The following CAB39L variants were observed in gnomAD, a reference collection of about 807,000 sequenced individuals.
CAB39L encodes calcium-binding protein 39-like.
CAB39L carries 23 observed loss-of-function variants against 39.1 expected under a neutral mutation model. The ratio of observed to expected loss-of-function variants is 0.59; its 90% CI spans 0.42 to 0.83. CAB39L has a LOEUF of 0.83. CAB39L is among the 40% of genes least tolerant of loss of function. CAB39L has a pLI of 0.00. For missense variants in CAB39L, 366 were observed against 391.9 expected (o/e 0.93, Z 0.56); for synonymous variants, 126 against 137.2 (o/e 0.92, Z 0.57).
intron 3 of CAB39L, among the ~76,000 whole-genome samples, chr13:49,396,706 T>C (rs759481126): frequency 2.6e-5 from 4 of 151,544 alleles, no homozygotes; most frequent in Non-Finnish European, 5.9e-5. Context: ...AGATTCCATC[T>C]CAAAAAAACA....
At chr13:49,338,882 C>T (rs1236309182) in intron 9 of CAB39L, among the ~76,000 whole-genome samples, 1 of 151,996 alleles carries the variant, frequency 6.6e-6, no homozygotes, top group African/African-American at 2.4e-5. Context: ...CACTGACTGT[C>T]GTGAATGCTC....
intron 7 of CAB39L, among the ~76,000 whole-genome samples, chr13:49,344,826 A>C (rs1203486511): frequency 6.6e-6 from 1 of 152,140 alleles, no homozygotes; most frequent in East Asian, 1.9e-4. Flanking sequence ...GGATACTGGA[A>C]GCGTAGGACT....
intron 3 of CAB39L, among the ~76,000 whole-genome samples, chr13:49,409,107 C>T (rs1956939114): frequency 6.6e-6 from 1 of 152,136 alleles, no homozygotes; most frequent in African/African-American, 2.4e-5. Context: ...AAGACATAGG[C>T]TGGTAGTCAG....
intron 10 of CAB39L, among the ~76,000 whole-genome samples, chr13:49,319,372 A>G (rs1779110689): frequency 6.6e-6 from 1 of 152,222 alleles, no homozygotes; most frequent in African/African-American, 2.4e-5. Flanking sequence ...TTCTATTTAT[A>G]TAAAATATCT....
chr13:49,376,504 C>A (rs1359068779), intron 5 of CAB39L, among the ~76,000 whole-genome samples: 1 of 152,148 alleles, frequency 6.6e-6, no homozygotes, highest in East Asian at 1.9e-4. Flanking sequence ...TTTCTTAAAT[C>A]ATTGGTATAA....
intron 3 of CAB39L, among the ~76,000 whole-genome samples, chr13:49,385,827 A>G (rs1956345326): frequency 6.6e-6 from 1 of 152,206 alleles, no homozygotes; most frequent in South Asian, 2.1e-4. Context: ...ACAATAGTTA[A>G]CATCAGAGAT....
chr13:49,335,081 G>C (rs1376714529), intron 9 of CAB39L, among the ~76,000 whole-genome samples: 1 of 152,098 alleles, frequency 6.6e-6, no homozygotes, highest in Non-Finnish European at 1.5e-5. Context: ...AGGGCTTCCA[G>C]ACCCTCCAAA....
chr13:49,426,031 T>C (rs1195919341), intron 3 of CAB39L, among the ~76,000 whole-genome samples: 2 of 152,196 alleles, frequency 1.3e-5, no homozygotes, highest in Non-Finnish European at 2.9e-5. Flanking sequence ...TTAAAATACA[T>C]TCCTCTTAAA....
chr13:49,312,335 C>G (rs967403707), intron 10 of CAB39L, among the ~76,000 whole-genome samples: 11 of 152,338 alleles, frequency 7.2e-5, no homozygotes, highest in Admixed American at 6.5e-4. Context: ...ATCCCTGACT[C>G]CCCCAGAGCA....
Position 49,378,425 on chromosome 13 carries a change from C to T in CAB39L, c.112-1294G>A, listed in dbSNP as rs1406583289. 1.0e-4 allele frequency among the ~76,000 whole-genome samples: 7 copies of T among 67,256 alleles called. 3 individuals carry two copies. The highest frequency in any genetic ancestry group is 2.1e-4 in the Non-Finnish European group (7 of 33,674). The allele number at this position is 67,256 out of a possible 152,430, so 44.1% of individuals were successfully genotyped here. A position where few individuals can be genotyped will look rare whatever the true frequency, so the allele number is the denominator to read the frequency against. On this transcript the variant is annotated intron_variant, in intron 4 of 10. Transcript: ENST00000409308. The stretch of plus-strand genomic sequence containing the variant: ...GGGAGGGAGGTGGGGGGGTCAGCCC[C>T]CCGCCCGGCCAGCCGCCCCGTCGGG...
chr13:49,406,525 G>A (rs1956883938), intron 3 of CAB39L, among the ~76,000 whole-genome samples: 2 of 151,232 alleles, frequency 1.3e-5, no homozygotes, highest in Admixed American at 6.6e-5. Context: ...TGAGATGATT[G>A]GATACCCTAT....
intron 4 of CAB39L, among the ~76,000 whole-genome samples, chr13:49,380,403 A>C (rs1480982865): frequency 1.8e-5 from 2 of 110,994 alleles, no homozygotes; most frequent in African/African-American, 4.4e-5. Flanking sequence ...CTTTTTTGCT[A>C]TCTATGAAAC....
At chr13:49,442,189 T>C (rs376655954) in intron 1 of CAB39L, among the ~76,000 whole-genome samples, 1 of 152,212 alleles carries the variant, frequency 6.6e-6, no homozygotes, top group Admixed American at 6.5e-5. Flanking sequence ...CACTTTCCTA[T>C]GTCATTCAAC....
intron 8 of CAB39L, among the ~76,000 whole-genome samples, chr13:49,342,216 G>T (rs2138431437): frequency 6.6e-6 from 1 of 152,166 alleles, no homozygotes. Context: ...ATATTTGTTT[G>T]CTACCACTGG....
chr13:49,337,486 C>G (rs1465936408), intron 9 of CAB39L, among the ~76,000 whole-genome samples: 1 of 152,166 alleles, frequency 6.6e-6, no homozygotes, highest in Non-Finnish European at 1.5e-5. Flanking sequence ...CTTCCAGGCA[C>G]CATTCCACTG....
At chr13:49,377,834 C>T (rs1357010898) in intron 4 of CAB39L, among the ~76,000 whole-genome samples, 40 of 92,818 alleles carry the variant, frequency 4.3e-4, no homozygotes, top group African/African-American at 7.8e-4. Context: ...ATGTGAGGAG[C>T]CCCTCTGCCT....
intron 5 of CAB39L, among the ~76,000 whole-genome samples, chr13:49,362,749 G>C (rs1035406157): frequency 1.3e-5 from 2 of 151,838 alleles, no homozygotes; most frequent in African/African-American, 4.8e-5. Flanking sequence ...GTATAAGAAG[G>C]TTATAGAACA....
Position 49,350,927 on chromosome 13 carries a change from A to G in CAB39L, c.396-15T>C. 1 of 1,545,720 alleles carries G rather than the reference A, an allele frequency of 6.5e-7. No homozygotes were observed. Among genetic ancestry groups the G allele is most frequent in the Non-Finnish European group, 8.7e-7 (1 of 1,145,448 alleles). ...GGGCTTCATATCTAAAGCGTAAACA[A>G]GAGAGAAATAGAGAACTCTGTTATC... On this transcript the variant is annotated splice_polypyrimidine_tract_variant and intron_variant, in intron 6 of 10. Coordinates refer to ENST00000409308, the MANE Select transcript of CAB39L (RefSeq NM_001079670.3).
At chr13:49,334,819 T>C (rs1180018548) in intron 9 of CAB39L, among the ~76,000 whole-genome samples, 2 of 152,172 alleles carry the variant, frequency 1.3e-5, no homozygotes. Context: ...ATCCATTACA[T>C]ATATATATCC....
Sources: allele counts gnomAD v4.1 joint callset (sites outside exome capture counted in the v4.1 genomes callset), GRCh38; gene constraint gnomAD v4.1.1; transcripts MANE v1.5; gene names NCBI Gene and HGNC (gene_info 2026-07-23, HGNC 2026-07-21).